PRMT8: variants seen among roughly 807,000 people sequenced by gnomAD.
PRMT8 encodes protein arginine methyltransferase 8.
Under a neutral mutation model 47.1 loss-of-function variants are expected in PRMT8, and 7 were observed. The observed-to-expected ratio is 0.15, with a 90% CI of 0.08 to 0.28. The LOEUF is 0.28. Among genes scored for constraint, PRMT8 ranks in the 10% least tolerant of loss-of-function variants. The pLI is 1.00. For synonymous variants in PRMT8, 188 were observed against 186.5 expected (o/e 1.01, Z -0.07); for missense variants, 237 against 505.4 (o/e 0.47, Z 5.09).
At chr12:3,381,526 G>T in intron 1 of PRMT8, 5 of 1,397,444 alleles carry the variant, frequency 3.6e-6, no homozygotes, top group Non-Finnish European at 4.9e-6. Context: ...CGTGTGGGCT[G>T]TTGGCTTTTT....
chr12:3,527,455 C>T (rs1865964811), intron 1 of PRMT8, among the ~76,000 whole-genome samples: 1 of 152,136 alleles, frequency 6.6e-6, no homozygotes, highest in South Asian at 2.1e-4. Context: ...TAATTTAAAA[C>T]TTATGAATTG....
Position 3,474,431 on chromosome 12 carries a change from C to T in PRMT8, c.49-66175C>T, listed in dbSNP as rs980798373. Among the ~76,000 whole-genome samples, 7 of 152,242 alleles carry T rather than the reference C, an allele frequency of 4.6e-5. 1 individual carries two copies. The highest frequency in any genetic ancestry group is 2.1e-4 in the South Asian group (1 of 4,824). ...TTCTCTGCTGCAGCCACCCAGCATG[C>T]GGGACCCATGGTTTCTGCTCCCAGC... On this transcript the variant is annotated intron_variant, in intron 1 of 9. Transcript: ENST00000452611.
At chr12:3,587,977 A>G (rs1413330945) in intron 8 of PRMT8, among the ~76,000 whole-genome samples, 3 of 151,966 alleles carry the variant, frequency 2.0e-5, no homozygotes. Context: ...ACCACAACAC[A>G]TCCTCAGTGG....
chr12:3,466,805 G>A (rs144238552), intron 1 of PRMT8, among the ~76,000 whole-genome samples: 11 of 152,182 alleles, frequency 7.2e-5, no homozygotes, highest in Non-Finnish European at 1.6e-4. Context: ...TAAACAAATC[G>A]ATGTCTCTTT....
At position 3,492,775 on chromosome 12, in the gene PRMT8, A is replaced by C. The variant is rs1270762319; in HGVS notation, c.75+1075A>C. Among the ~76,000 whole-genome samples, 1 of 152,104 alleles carries C rather than the reference A, an allele frequency of 6.6e-6. No homozygotes were observed. Among genetic ancestry groups the C allele is most frequent in the Non-Finnish European group, 1.5e-5 (1 of 68,020 alleles). ...CGCCGAGATGGGGGCGGAGTGGGGC[A>C]TGTGTGTGAAGATCATCCCTTACTC... On this transcript the variant is annotated intron_variant, in intron 1 of 9. Transcript: ENST00000382622. The surrounding 1 kb of genome is among the most constrained non-coding windows in gnomAD (Gnocchi z 7.5).
intron 1 of PRMT8, among the ~76,000 whole-genome samples, chr12:3,485,756 T>A (rs1865316971): frequency 6.6e-6 from 1 of 152,156 alleles, no homozygotes; most frequent in South Asian, 2.1e-4. Flanking sequence ...ATATATAACT[T>A]AGGTCTTATA....
intron 5 of PRMT8, 131 bp downstream of exon 5, chr12:3,568,979 C>T: frequency 1.6e-6 from 2 of 1,253,822 alleles, no homozygotes; most frequent in Non-Finnish European, 2.2e-6. Context: ...CCCCAAGCCC[C>T]TCTCTCTAGA....
Position 3,552,402 on chromosome 12 carries a change from C to T in PRMT8, c.418-1249C>T. The stretch of plus-strand genomic sequence containing the variant: ...ACACACTCACGTGCATTGGGGGCTT[C>T]GACTTCTCTCGGGAGGACACTGAGG... On this transcript the variant is annotated intron_variant, in intron 3 of 9. Transcript: ENST00000382622. This position sits in a 1 kb window ranked among gnomAD's most constrained non-coding sequence, Gnocchi z 4.5. The T allele has an allele frequency of 4.8e-6, 1 of 209,178 alleles. No homozygotes were observed. Among genetic ancestry groups the T allele is most frequent in the Non-Finnish European group, 9.9e-6 (1 of 101,510 alleles). 13.0% of individuals were successfully genotyped at this position (209,178 alleles called of 1,614,324 possible).
At chr12:3,581,323 A>T (rs1054223014) in intron 7 of PRMT8, among the ~76,000 whole-genome samples, 1 of 152,194 alleles carries the variant, frequency 6.6e-6, no homozygotes, top group Non-Finnish European at 1.5e-5. Context: ...TGGAACACAC[A>T]TTTGGCTTCT....
chr12:3,408,158 T>C (rs1864391393), intron 1 of PRMT8, among the ~76,000 whole-genome samples: 2 of 150,060 alleles, frequency 1.3e-5, no homozygotes, highest in South Asian at 4.3e-4. Context: ...TCTTTCTCTT[T>C]CTTTCTTTCT....
chr12:3,524,272 T>TA (rs1261928961), intron 1 of PRMT8, among the ~76,000 whole-genome samples: 2 of 149,840 alleles, frequency 1.3e-5, no homozygotes, highest in East Asian at 3.9e-4. Context: ...ACAATAAGAG[T>TA]AAAAAGAAAA....
Position 3,492,021 on chromosome 12 carries a change from G to C in PRMT8, c.75+321G>C, listed in dbSNP as rs1865421634. Among the ~76,000 whole-genome samples, 1 of 151,860 alleles carries C rather than the reference G, an allele frequency of 6.6e-6. No individual in the cohort carries two copies. The highest frequency in any genetic ancestry group is 1.5e-5 in the Non-Finnish European group (1 of 67,956). On this transcript the variant is annotated intron_variant, in intron 1 of 9. Transcript: ENST00000382622. The surrounding 1 kb of genome is among the most constrained non-coding windows in gnomAD (Gnocchi z 7.5). ...CTCCCGCCCCCAAGTCCCAAACCCC[G>C]GGCAGCCGCGCTCCCCTGCCCTCTC...
chr12:3,523,947 A>G (rs1266797231), intron 1 of PRMT8, among the ~76,000 whole-genome samples: 1 of 152,228 alleles, frequency 6.6e-6, no homozygotes, highest in Non-Finnish European at 1.5e-5. Flanking sequence ...AACGTTACTG[A>G]TGAGTCAAAC....
chr12:3,524,601 G>A (rs186975977), intron 1 of PRMT8, among the ~76,000 whole-genome samples: 1 of 146,494 alleles, frequency 6.8e-6, no homozygotes, highest in Admixed American at 6.9e-5. Flanking sequence ...AACTAGAATT[G>A]CAATGCATTG....
rs917268176 is a variant in PRMT8, at chr12:3,492,236, G to T, written c.75+536G>T. ...GCGCGGAGAGCCCCCGGCCGCGGGG[G>T]CCGAGCCGGCAGGAGGACTCGGGCA... On this transcript the variant is annotated intron_variant, in intron 1 of 9. Coordinates refer to ENST00000382622, the MANE Select transcript of PRMT8 (RefSeq NM_019854.5). This position sits in a 1 kb window ranked among gnomAD's most constrained non-coding sequence, Gnocchi z 7.5. Among the ~76,000 whole-genome samples the T allele has an allele frequency of 6.6e-6, 1 of 152,080 alleles. No homozygotes were observed. The highest frequency in any genetic ancestry group is 1.5e-5 in the Non-Finnish European group (1 of 67,994).
rs1451362450 is a variant in PRMT8 at position 3,564,275 on chromosome 12, C to G, written c.482-4431C>G. On this transcript the variant is annotated intron_variant, in intron 4 of 9. Coordinates refer to ENST00000382622, the MANE Select transcript of PRMT8 (RefSeq NM_019854.5). This position sits in a 1 kb window ranked among gnomAD's most constrained non-coding sequence, Gnocchi z 4.0. ...CCCTCATGCCTCCTCTTGTGTGGCACAGGACCTGCTCTCTGAAAGAGTGAG... is the reference window on the plus strand; with the variant it reads ...CCCTCATGCCTCCTCTTGTGTGGCAGAGGACCTGCTCTCTGAAAGAGTGAG... Among the ~76,000 whole-genome samples the G allele has an allele frequency of 6.6e-6, 1 of 152,162 alleles. No homozygotes were observed. The highest frequency in any genetic ancestry group is 1.5e-5 in the Non-Finnish European group (1 of 68,026).
intron 1 of PRMT8, among the ~76,000 whole-genome samples, chr12:3,431,966 G>A (rs1403946019): frequency 1.3e-5 from 2 of 152,228 alleles, no homozygotes; most frequent in Non-Finnish European, 2.9e-5. Flanking sequence ...AAAGGAGCAG[G>A]AATTTTTGCT....
chr12:3,428,764 C>T (rs1161067803), intron 1 of PRMT8, among the ~76,000 whole-genome samples: 9 of 151,646 alleles, frequency 5.9e-5, no homozygotes, highest in Admixed American at 5.9e-4. Context: ...CTCTCTGCCT[C>T]TCTCTTTCTC....
intron 1 of PRMT8, among the ~76,000 whole-genome samples, chr12:3,439,623 C>T (rs866734152): frequency 1.4e-4 from 22 of 152,162 alleles, no homozygotes; most frequent in Non-Finnish European, 2.2e-4. Context: ...ATACAATGTA[C>T]ACTTTTCAAG....
Sources: allele counts gnomAD v4.1 joint callset (sites outside exome capture counted in the v4.1 genomes callset), GRCh38; gene constraint gnomAD v4.1.1; non-coding constraint Gnocchi (gnomAD v3.1); transcripts MANE v1.5; gene names NCBI Gene and HGNC (gene_info 2026-07-23, HGNC 2026-07-21).